KMT2C: variants seen among roughly 807,000 people sequenced by gnomAD.
The protein encoded by KMT2C is histone-lysine N-methyltransferase 2C.
Under a neutral mutation model 507.9 loss-of-function variants are expected in KMT2C, and 88 were observed. The observed-to-expected ratio is 0.17, with a 90% CI of 0.15 to 0.21. KMT2C has a LOEUF of 0.21. Ranked by LOEUF, KMT2C falls within the 10% of genes least tolerant of loss-of-function variation. The pLI, the probability that KMT2C is intolerant of heterozygous loss-of-function variation, is 1.00. For missense variants in KMT2C, 4,954 were observed against 5,957.8 expected, an observed-to-expected ratio of 0.83 and a Z score of 5.55; for synonymous variants, 2,049 against 2,080.8, an observed-to-expected ratio of 0.98 and a Z score of 0.42.
chr7:152,280,617 G>C (rs1306020241), intron 6 of KMT2C, among the ~76,000 whole-genome samples: 1 of 152,098 alleles, frequency 6.6e-6, no homozygotes. Flanking sequence ...AATGCACCTA[G>C]AAGAGGATTC....
chr7:152,159,088 A>G lies in KMT2C; in HGVS notation c.11461-16T>C. On this transcript the variant is annotated splice_polypyrimidine_tract_variant and intron_variant, in intron 43 of 58. Transcript: ENST00000262189. ...CCAAAGTTTGCTAATGTAATTGGAA[A>G]GGGTAAAAAATAAGTGAACAATTTG... is the stretch of plus-strand genomic sequence containing the variant. 6.2e-7 allele frequency: 1 copy of G among 1,611,760 alleles called. No homozygotes were observed. The highest frequency in any genetic ancestry group is 1.7e-5 in the Admixed American group (1 of 59,992).
chr7:152,427,518 T>C (rs1054884667), intron 1 of KMT2C, among the ~76,000 whole-genome samples: 2 of 152,230 alleles, frequency 1.3e-5, no homozygotes, highest in African/African-American at 4.8e-5. Context: ...TCTCTATGTC[T>C]TGATTTAAAA....
At chr7:152,399,640 A>G (rs901516243) in intron 1 of KMT2C, among the ~76,000 whole-genome samples, 2 of 152,162 alleles carry the variant, frequency 1.3e-5, no homozygotes, top group African/African-American at 4.8e-5. Flanking sequence ...ATCCAAGGTC[A>G]GCAGATATTT....
intron 7 of KMT2C, among the ~76,000 whole-genome samples, chr7:152,265,976 A>G (rs1272175742): frequency 6.6e-6 from 1 of 152,300 alleles, no homozygotes; most frequent in Non-Finnish European, 1.5e-5. Context: ...CCTGCCAAAT[A>G]TACAGTTAAA....
At chr7:152,160,433 C>G (rs1217890483) in intron 43 of KMT2C, among the ~76,000 whole-genome samples, 2 of 152,010 alleles carry the variant, frequency 1.3e-5, no homozygotes, top group Non-Finnish European at 2.9e-5. Context: ...GAATCACCTG[C>G]CTAGAGCAGT....
intron 6 of KMT2C, among the ~76,000 whole-genome samples, chr7:152,280,327 G>C (rs960318432): frequency 6.6e-6 from 1 of 152,006 alleles, no homozygotes; most frequent in Non-Finnish European, 1.5e-5. Flanking sequence ...CGGATCACGA[G>C]GTCATGAGAT....
chr7:152,143,517 G>A (rs2090809163), intron 55 of KMT2C, among the ~76,000 whole-genome samples: 1 of 152,264 alleles, frequency 6.6e-6, no homozygotes, highest in African/African-American at 2.4e-5. Flanking sequence ...ATCCTAACAA[G>A]CTCCCAGGTG....
chr7:152,135,928 T>G lies in KMT2C; in HGVS notation c.*904A>C. 4.3e-6 allele frequency: 1 copy of G among 230,132 alleles called. No homozygotes were observed. Among genetic ancestry groups the G allele is most frequent in the Non-Finnish European group, 8.6e-6 (1 of 115,944 alleles). The allele number at this position is 230,132 out of a possible 1,614,324, so 14.3% of individuals were successfully genotyped here. ...GTTGAAATTTTGGTTATTACATAAT[T>G]ATAATGGCATATTTTATAACACAAA... is the stretch of plus-strand genomic sequence containing the variant. On this transcript the variant is annotated 3_prime_UTR_variant, in exon 59 of 59. Coordinates refer to ENST00000262189, the MANE Select transcript of KMT2C (RefSeq NM_170606.3).
intron 9 of KMT2C, among the ~76,000 whole-genome samples, chr7:152,253,342 A>C (rs1037000647): frequency 2.0e-5 from 3 of 151,870 alleles, no homozygotes; most frequent in Admixed American, 6.6e-5. Context: ...TAGGAGCAGG[A>C]AGTAATTTTT....
rs2090161830 is a variant in KMT2C at position 152,138,665 on chromosome 7, T to C, written c.14643+131A>G. ...TGAGATACTGCAGGGTGGGAACATCTGGCCTATTATGGACAGAGTTTTTAT... is the reference window on the plus strand; with the variant it reads ...TGAGATACTGCAGGGTGGGAACATCCGGCCTATTATGGACAGAGTTTTTAT... On this transcript the variant is annotated intron_variant, in intron 58 of 58. Transcript: ENST00000262189. This position sits in a 1 kb window ranked among gnomAD's most constrained non-coding sequence, Gnocchi z 4.2. 1.6e-6 allele frequency: 1 copy of C among 621,508 alleles called. No homozygotes were observed. The highest frequency in any genetic ancestry group is 2.0e-5 in the South Asian group (1 of 49,936). 38.5% of individuals were successfully genotyped at this position (621,508 alleles called of 1,614,324 possible). A position where few individuals can be genotyped will look rare whatever the true frequency, so the allele number is the denominator to read the frequency against.
chr7:152,350,497 A>G (rs1385510648), intron 2 of KMT2C, among the ~76,000 whole-genome samples: 1 of 152,194 alleles, frequency 6.6e-6, no homozygotes, highest in Non-Finnish European at 1.5e-5. Context: ...TAGGCTACAA[A>G]CCTGTACAGC....
chr7:152,225,305 A>G (rs1005503906), intron 18 of KMT2C, among the ~76,000 whole-genome samples: 1 of 152,238 alleles, frequency 6.6e-6, no homozygotes, highest in African/African-American at 2.4e-5. Context: ...ATAATAAAAC[A>G]GCAAGTAATG....
intron 16 of KMT2C, among the ~76,000 whole-genome samples, chr7:152,232,740 C>G (rs939530493): frequency 2.6e-5 from 4 of 151,748 alleles, no homozygotes; most frequent in African/African-American, 9.7e-5. Context: ...GAGAATCATC[C>G]AAGATGATTC....
chr7:152,300,648 C>CTG (rs1483822705), intron 6 of KMT2C, among the ~76,000 whole-genome samples: 1 of 152,206 alleles, frequency 6.6e-6, no homozygotes, highest in Admixed American at 6.5e-5. Context: ...TTAGCCATTA[C>CTG]AACCCTAAGC....
intron 3 of KMT2C, among the ~76,000 whole-genome samples, chr7:152,318,889 T>C (rs751627857): frequency 5.1e-4 from 78 of 152,294 alleles, no homozygotes; most frequent in Middle Eastern, 3.4e-3. Context: ...ATCATAACCA[T>C]ATACTCAGAC....
At chr7:152,229,096 A>C (rs1042513565) in intron 18 of KMT2C, among the ~76,000 whole-genome samples, 8 of 152,194 alleles carry the variant, frequency 5.3e-5, no homozygotes, top group Non-Finnish European at 1.0e-4. Context: ...TTTGAAGGGC[A>C]GGGGAGAAAG....
At chr7:152,269,290 C>T (rs1024434134) in intron 7 of KMT2C, among the ~76,000 whole-genome samples, 14 of 152,170 alleles carry the variant, frequency 9.2e-5, no homozygotes, top group Non-Finnish European at 1.9e-4. Flanking sequence ...GTAATACATA[C>T]ATCTGGTGCA....
chr7:152,303,072 G>GA (rs1484193671), intron 6 of KMT2C, among the ~76,000 whole-genome samples: 1 of 149,572 alleles, frequency 6.7e-6, no homozygotes, highest in African/African-American at 2.4e-5. Flanking sequence ...CTTCAAAAGG[G>GA]AAATTAAAAG....
chr7:152,229,338 A>C (rs2095035548), intron 18 of KMT2C, among the ~76,000 whole-genome samples: 1 of 152,152 alleles, frequency 6.6e-6, no homozygotes, highest in Non-Finnish European at 1.5e-5. Flanking sequence ...CTTAGATACA[A>C]CTAGTGAAGT....
Sources: allele counts gnomAD v4.1 joint callset (sites outside exome capture counted in the v4.1 genomes callset), GRCh38; gene constraint gnomAD v4.1.1; non-coding constraint Gnocchi (gnomAD v3.1); transcripts MANE v1.5; gene names NCBI Gene and HGNC (gene_info 2026-07-23, HGNC 2026-07-21).